Variants in BCAS3 observed in about 807,000 individuals in gnomAD.
BCAS3 encodes the protein BCAS4/BCAS3 fusion.
A neutral mutation model predicts 116.1 loss-of-function variants in BCAS3; 53 were observed. The ratio of observed to expected loss-of-function variants is 0.46; its 90% CI spans 0.37 to 0.57. BCAS3 has a LOEUF of 0.57. Among genes scored for constraint, BCAS3 ranks in the 20% least tolerant of loss-of-function variants. The pLI is 0.00. For missense variants in BCAS3, 917 were observed against 1,165.4 expected, an observed-to-expected ratio of 0.79 and a Z score of 3.10; for synonymous variants, 391 against 408.2, an observed-to-expected ratio of 0.96 and a Z score of 0.51.
rs80192820 is a variant in BCAS3, at chr17:61,126,513, C to T, written c.2425+41949C>T. Among the ~76,000 whole-genome samples the T allele has an allele frequency of 0.011, 1,682 of 152,216 alleles. 12 individuals are homozygous for T. The highest frequency in any genetic ancestry group is 0.02 in the Middle Eastern group (6 of 294). On this transcript the variant is annotated intron_variant, in intron 22 of 23. Coordinates refer to ENST00000407086, the MANE Select transcript of BCAS3 (RefSeq NM_017679.5). The surrounding 1 kb of genome is among the most constrained non-coding windows in gnomAD (Gnocchi z 4.6). ...ATTTTCATAATCCAACATAAATTGG[C>T]CCACCCAAGGATTATGTCTGTTTTA...
At chr17:61,138,857 AT>A (rs1238987791) in intron 22 of BCAS3, among the ~76,000 whole-genome samples, 5 of 152,048 alleles carry the variant, frequency 3.3e-5, no homozygotes, top group Admixed American at 1.3e-4. Flanking sequence ...GTCTTGGAAT[AT>A]TTTTTTTCAT....
intron 22 of BCAS3, among the ~76,000 whole-genome samples, chr17:61,093,933 T>C (rs988781276): frequency 6.6e-6 from 1 of 152,244 alleles, no homozygotes; most frequent in Non-Finnish European, 1.5e-5. Context: ...ACCAGTGGTT[T>C]TTCAAACTCT....
intron 7 of BCAS3, among the ~76,000 whole-genome samples, chr17:60,850,938 T>A (rs2053087481): frequency 6.6e-6 from 1 of 152,234 alleles, no homozygotes. Context: ...CAAGTTATTT[T>A]GTGGATATGT....
At chr17:61,269,062 A>G (rs1430766524) in intron 22 of BCAS3, among the ~76,000 whole-genome samples, 1 of 151,720 alleles carries the variant, frequency 6.6e-6, no homozygotes, top group Non-Finnish European at 1.5e-5. Flanking sequence ...TATTGTGACT[A>G]ATGCTGCAGT....
chr17:61,172,096 A>C (rs939445989), intron 22 of BCAS3, among the ~76,000 whole-genome samples: 1 of 152,254 alleles, frequency 6.6e-6, no homozygotes, highest in African/African-American at 2.4e-5. Context: ...CAGAGCTTCA[A>C]AACACATGAA....
chr17:61,167,591 G>C (rs980208507), intron 22 of BCAS3, among the ~76,000 whole-genome samples: 1 of 152,200 alleles, frequency 6.6e-6, no homozygotes, highest in Non-Finnish European at 1.5e-5. Flanking sequence ...CTAGGTACTA[G>C]AAAAGATGGT....
At chr17:61,338,762 C>T (rs1386513771) in intron 22 of BCAS3, among the ~76,000 whole-genome samples, 1 of 151,966 alleles carries the variant, frequency 6.6e-6, no homozygotes, top group Non-Finnish European at 1.5e-5. Flanking sequence ...CTCTGAGTAA[C>T]GCCTTTTCCA....
At chr17:60,907,887 A>G (rs1398784539) in intron 11 of BCAS3, among the ~76,000 whole-genome samples, 1 of 152,188 alleles carries the variant, frequency 6.6e-6, no homozygotes, top group Admixed American at 6.5e-5. Flanking sequence ...GATTTCCGTT[A>G]AATAACATTA....
chr17:60,980,374 A>G (rs2062722981), intron 14 of BCAS3, among the ~76,000 whole-genome samples: 1 of 151,970 alleles, frequency 6.6e-6, no homozygotes, highest in Non-Finnish European at 1.5e-5. Context: ...GCATGTCCTT[A>G]ATGACTAATG....
At chr17:61,027,060 A>G (rs1231187961) in intron 16 of BCAS3, 2 of 650,114 alleles carry the variant, frequency 3.1e-6, no homozygotes, top group Admixed American at 6.6e-5. Context: ...ATGAATGTTG[A>G]TATTTAAGCT....
At chr17:60,984,255 A>G (rs956627624) in intron 14 of BCAS3, among the ~76,000 whole-genome samples, 1 of 152,192 alleles carries the variant, frequency 6.6e-6, no homozygotes, top group African/African-American at 2.4e-5. Flanking sequence ...CATAAGACTA[A>G]AATTTCTTTT....
At chr17:61,159,484 T>C (rs1363491854) in intron 22 of BCAS3, 1 of 152,200 alleles carries the variant, frequency 6.6e-6, no homozygotes, top group Non-Finnish European at 1.5e-5. Flanking sequence ...GGATTTTTAT[T>C]GAATTATTAA....
At chr17:61,350,140 A>C (rs532163281) in intron 22 of BCAS3, among the ~76,000 whole-genome samples, 5 of 152,096 alleles carry the variant, frequency 3.3e-5, no homozygotes, top group African/African-American at 1.2e-4. Context: ...AAAATATATA[A>C]ATTTTGGCTG....
Position 61,037,209 on chromosome 17 carries a change from G to A in BCAS3, c.1763-680G>A, listed in dbSNP as rs1490505483. Among the ~76,000 whole-genome samples, 3 of 152,158 alleles carry A rather than the reference G, an allele frequency of 2.0e-5. No individual in the cohort carries two copies. The highest frequency in any genetic ancestry group is 7.2e-5 in the African/African-American group (3 of 41,420). On this transcript the variant is annotated intron_variant, in intron 17 of 23. Transcript: ENST00000407086. This position sits in a 1 kb window ranked among gnomAD's most constrained non-coding sequence, Gnocchi z 4.7. Reference sequence around the variant, plus strand: ...ATGCAAGTCATTTGGTACATGCAGGGTAACTAAATCCTAGTCCATACATTA... The same window carrying A: ...ATGCAAGTCATTTGGTACATGCAGGATAACTAAATCCTAGTCCATACATTA...
In BCAS3 at chr17:60,993,112, G is replaced by A. The variant is rs2063633380; in HGVS notation, c.1486+2877G>A. Among the ~76,000 whole-genome samples, 3 of 152,160 alleles carry A rather than the reference G, an allele frequency of 2.0e-5. No individual in the cohort carries two copies. Among genetic ancestry groups the A allele is most frequent in the Admixed American group, 2.0e-4 (3 of 15,276 alleles). Reference sequence around the variant, plus strand: ...ACCACATAAGAGGTTTTTGTGTTAAGATTCAAGCATAATGTGCACAAAAGA... The same window carrying A: ...ACCACATAAGAGGTTTTTGTGTTAAAATTCAAGCATAATGTGCACAAAAGA... On this transcript the variant is annotated intron_variant, in intron 15 of 23. Transcript: ENST00000407086. The surrounding 1 kb of genome is among the most constrained non-coding windows in gnomAD (Gnocchi z 4.2).
At position 60,891,070 on chromosome 17, in the gene BCAS3, A is replaced by G. The variant is rs549637432; in HGVS notation, c.738+1299A>G. On this transcript the variant is annotated intron_variant, in intron 10 of 23. Transcript: ENST00000407086. ...ATTTTGTTTTTTCTCTTGATTTTCCAGTATATCTTGTAAAAATAGCTCTTT... is the reference window on the plus strand; with the variant it reads ...ATTTTGTTTTTTCTCTTGATTTTCCGGTATATCTTGTAAAAATAGCTCTTT... Among the ~76,000 whole-genome samples the G allele has an allele frequency of 3.9e-5, 6 of 152,214 alleles. No individual in the cohort carries two copies. In the East Asian group the frequency reaches 5.8e-4, roughly 15 times the overall value.
intron 7 of BCAS3, among the ~76,000 whole-genome samples, chr17:60,866,230 T>G (rs1323859425): frequency 6.6e-6 from 1 of 151,992 alleles, no homozygotes; most frequent in Non-Finnish European, 1.5e-5. Context: ...TTTCAAGCGA[T>G]TCTCCTGTCT....
rs1473303021 is a variant in BCAS3, at chr17:61,136,263, TCTC to T, written c.2425+51700_2425+51702del. Among the ~76,000 whole-genome samples, 2 of 152,118 alleles carry T rather than the reference TCTC, an allele frequency of 1.3e-5. No homozygotes were observed. Among genetic ancestry groups the T allele is most frequent in the Non-Finnish European group, 2.9e-5 (2 of 68,038 alleles). ...TTTTTACTTAAGCATCCCCTCTTCT[TCTC>T]TGCACCTGGAGCATCTTGGACATAG... On this transcript the variant is annotated intron_variant, in intron 22 of 23. Coordinates refer to ENST00000407086, the MANE Select transcript of BCAS3 (RefSeq NM_017679.5). The surrounding 1 kb of genome is among the most constrained non-coding windows in gnomAD (Gnocchi z 4.4).
chr17:60,684,493 A>G (rs1469433631), intron 3 of BCAS3, among the ~76,000 whole-genome samples: 2 of 152,116 alleles, frequency 1.3e-5, no homozygotes, highest in Non-Finnish European at 2.9e-5. Flanking sequence ...CTGATAAAAG[A>G]TTAAGTCTTT....
Sources: allele counts gnomAD v4.1 joint callset (sites outside exome capture counted in the v4.1 genomes callset), GRCh38; gene constraint gnomAD v4.1.1; non-coding constraint Gnocchi (gnomAD v3.1); transcripts MANE v1.5; gene names NCBI Gene and HGNC (gene_info 2026-07-23, HGNC 2026-07-21).